The following PCDH11X variants were observed in gnomAD, a reference collection of about 807,000 sequenced individuals.
The protein encoded by PCDH11X is protocadherin-11 X-linked.
In PCDH11X, 18 loss-of-function variants were observed where a neutral mutation model predicts 53.3. The observed-to-expected ratio is 0.34, with a 90% CI of 0.23 to 0.50. The LOEUF (loss-of-function observed/expected upper bound fraction) is 0.50, where lower values mean the gene tolerates loss of function less well. PCDH11X is among the 20% of genes least tolerant of loss of function. PCDH11X has a pLI of 0.98. For missense variants in PCDH11X, 570 were observed against 1,032.4 expected (o/e 0.55, Z 6.14); for synonymous variants, 279 against 393.3 (o/e 0.71, Z 3.44).
intron 10 of PCDH11X, among the ~76,000 whole-genome samples, chrX:92,475,081 C>T (rs1436223185): frequency 3.3e-5 from 3 of 90,288 alleles, no homozygotes; most frequent in Admixed American, 1.4e-4. Context: ...AGGAGAATGG[C>T]GTGAACCCGG....
chrX:92,010,601 T>G (rs1403273560), intron 6 of PCDH11X, among the ~76,000 whole-genome samples: 1 of 111,185 alleles, frequency 9.0e-6, no homozygotes, highest in Non-Finnish European at 1.9e-5. Context: ...ACAGAACACT[T>G]TGATCTTATA....
At chrX:92,029,978 T>G (rs961978776) in intron 6 of PCDH11X, among the ~76,000 whole-genome samples, 3 of 112,254 alleles carry the variant, frequency 2.7e-5, no homozygotes, top group African/African-American at 9.7e-5. Context: ...TTTCAATTTT[T>G]TTTGAGATGG....
At chrX:91,824,580 A>T (rs1285885391) in intron 4 of PCDH11X, among the ~76,000 whole-genome samples, 5 of 104,340 alleles carry the variant, frequency 4.8e-5, no homozygotes, top group Non-Finnish European at 7.7e-5. Context: ...ATTCTTCTAA[A>T]TTTTTTTCAA....
At chrX:92,551,554 T>A (rs1301082828) in intron 10 of PCDH11X, among the ~76,000 whole-genome samples, 1 of 106,811 alleles carries the variant, frequency 9.4e-6, no homozygotes, top group African/African-American at 3.4e-5. Context: ...TGCAGAAGCT[T>A]TTTAACTTAA....
chrX:92,259,766 A>G (rs1240565191), intron 7 of PCDH11X, among the ~76,000 whole-genome samples: 1 of 111,624 alleles, frequency 9.0e-6, no homozygotes, highest in Non-Finnish European at 1.9e-5. Context: ...CCTGGGTATC[A>G]CTGCTGGTTA....
Position 92,296,123 on chromosome X carries a change from T to C in PCDH11X, c.3144+32980T>C, listed in dbSNP as rs185870698. The stretch of plus-strand genomic sequence containing the variant: ...CATGTGCATTTTGTTTCTTATTTTA[T>C]TGATTTGCTATATGATAGATTTTCC... On this transcript the variant is annotated intron_variant, in intron 8 of 10. Coordinates refer to ENST00000682573, the MANE Select transcript of PCDH11X (RefSeq NM_032968.5). 2.8e-3 allele frequency among the ~76,000 whole-genome samples: 315 copies of C among 110,754 alleles called. 2 individuals carry two copies. The highest frequency in any genetic ancestry group is 9.9e-3 in the African/African-American group (303 of 30,498).
chrX:92,511,573 G>A (rs1332259214), intron 10 of PCDH11X, among the ~76,000 whole-genome samples: 1 of 111,405 alleles, frequency 9.0e-6, no homozygotes, highest in African/African-American at 3.3e-5. Flanking sequence ...ATTGATTGTA[G>A]CTATTGTTTT....
At chrX:92,277,350 CT>C (rs2068121893) in intron 8 of PCDH11X, among the ~76,000 whole-genome samples, 1 of 111,184 alleles carries the variant, frequency 9.0e-6, no homozygotes, top group African/African-American at 3.3e-5. Context: ...CGTTTTCTGG[CT>C]ATTTGGAACT....
At chrX:92,142,814 A>C (rs1011082768) in intron 6 of PCDH11X, among the ~76,000 whole-genome samples, 2 of 109,440 alleles carry the variant, frequency 1.8e-5, no homozygotes, top group African/African-American at 6.7e-5. Context: ...AGATGGTTCT[A>C]ATCTTTATTG....
chrX:92,090,370 A>G (rs2064029524), intron 6 of PCDH11X, among the ~76,000 whole-genome samples: 1 of 110,073 alleles, frequency 9.1e-6, no homozygotes, highest in African/African-American at 3.3e-5. Context: ...CTCTTGTAAA[A>G]GTGGGTTCCA....
chrX:91,927,778 A>G (rs1941996674), intron 6 of PCDH11X, among the ~76,000 whole-genome samples: 1 of 111,509 alleles, frequency 9.0e-6, no homozygotes, highest in Non-Finnish European at 1.9e-5. Flanking sequence ...AGCAGGGGAA[A>G]AAAATCATTC....
intron 7 of PCDH11X, among the ~76,000 whole-genome samples, chrX:92,256,142 G>T (rs1003411141): frequency 8.0e-5 from 9 of 112,299 alleles, no homozygotes; most frequent in Non-Finnish European, 1.3e-4. Flanking sequence ...GTGGTGCACC[G>T]TTTTTTAAGC....
intron 10 of PCDH11X, among the ~76,000 whole-genome samples, chrX:92,610,945 A>T (rs1356777525): frequency 1.8e-5 from 2 of 111,041 alleles, no homozygotes; most frequent in Non-Finnish European, 3.8e-5. Context: ...TTTCTGTTCC[A>T]TTGGTCTATG....
intron 6 of PCDH11X, among the ~76,000 whole-genome samples, chrX:91,914,340 G>A (rs1048096756): frequency 3.6e-5 from 4 of 110,882 alleles, no homozygotes; most frequent in African/African-American, 1.3e-4. Context: ...TATAGAACAC[G>A]GTTCTATAAC....
intron 5 of PCDH11X, among the ~76,000 whole-genome samples, chrX:91,863,338 T>C (rs1313846937): frequency 1.8e-5 from 2 of 111,784 alleles, no homozygotes; most frequent in African/African-American, 6.5e-5. Context: ...AATTGAAACC[T>C]TTATCATTAT....
intron 9 of PCDH11X, among the ~76,000 whole-genome samples, chrX:92,417,906 C>T (rs1376760144): frequency 2.1e-5 from 2 of 95,669 alleles, no homozygotes; most frequent in East Asian, 3.6e-4. Context: ...CTCGCATAGC[C>T]GACTCCTAGC....
At chrX:92,331,421 T>A (rs1240457603) in intron 8 of PCDH11X, among the ~76,000 whole-genome samples, 13 of 103,644 alleles carry the variant, frequency 1.3e-4, no homozygotes, top group Non-Finnish European at 1.2e-4. Context: ...CTTCTTTCTT[T>A]GTTTTTAAAT....
At chrX:91,864,694 G>A (rs920543584) in intron 5 of PCDH11X, among the ~76,000 whole-genome samples, 1 of 101,601 alleles carries the variant, frequency 9.8e-6, no homozygotes, top group African/African-American at 3.6e-5. Context: ...GGCATGCTTC[G>A]TTGTTTTTTA....
chrX:91,858,779 C>T (rs1938494468), intron 5 of PCDH11X, among the ~76,000 whole-genome samples: 1 of 109,972 alleles, frequency 9.1e-6, no homozygotes, highest in African/African-American at 3.3e-5. Context: ...GAGACCACCT[C>T]AGCCTGGACT....
Sources: gnomAD v4.1 joint callset for allele counts (sites outside exome capture counted in the v4.1 genomes callset) on GRCh38, gnomAD v4.1.1 for gene constraint, MANE v1.5 for transcripts, NCBI Gene and HGNC (gene_info 2026-07-23, HGNC 2026-07-21) for gene names.